B3GALT5: variants seen among roughly 807,000 people sequenced by gnomAD.
B3GALT5 encodes the protein UDP-Gal:betaGlcNAc beta 1,3-galactosyltransferase, polypeptide 5.
For missense variants in B3GALT5, 328 were observed against 396.6 expected (o/e 0.83, Z 1.47); for synonymous variants, 156 against 158.6 (o/e 0.98, Z 0.12).
chr21:39,642,100 C>T (rs1259070278), intron 1 of B3GALT5, among the ~76,000 whole-genome samples: 1 of 152,334 alleles, frequency 6.6e-6, no homozygotes, highest in Non-Finnish European at 1.5e-5. Context: ...AAAATCTTCC[C>T]TATAACAGGC....
intron 1 of B3GALT5, among the ~76,000 whole-genome samples, chr21:39,640,880 T>C (rs1407807273): frequency 6.6e-6 from 1 of 152,020 alleles, no homozygotes; most frequent in Non-Finnish European, 1.5e-5. Context: ...GCTGGAACAA[T>C]GGGCACATGC....
chr21:39,640,158 C>G (rs2079278605), intron 1 of B3GALT5, among the ~76,000 whole-genome samples: 2 of 152,090 alleles, frequency 1.3e-5, no homozygotes, highest in South Asian at 2.1e-4. Context: ...CGCCTGAGCT[C>G]TCACTCTTAG....
Position 39,613,659 on chromosome 21 carries a change from CGTGT to C in B3GALT5, c.-392+604_-392+607del, listed in dbSNP as rs60776259. 8.3e-3 allele frequency among the ~76,000 whole-genome samples: 1,259 copies of C among 151,066 alleles called. 16 individuals are homozygous for C. Among genetic ancestry groups the C allele is most frequent in the African/African-American group, 0.029 (1,201 of 41,354 alleles). ...ATTATTTTAAAAACAATATCTGTACCGTGTGTGTGTGTGTGAGTGCGTGTGTGTG... is the reference window on the plus strand; with the variant it reads ...ATTATTTTAAAAACAATATCTGTACCGTGTGTGTGTGAGTGCGTGTGTGTG... On this transcript the variant is annotated intron_variant, in intron 1 of 3. Transcript: ENST00000684187.
chr21:39,621,248 G>C (rs982159647), intron 1 of B3GALT5, among the ~76,000 whole-genome samples: 2 of 152,112 alleles, frequency 1.3e-5, no homozygotes, highest in Admixed American at 6.5e-5. Context: ...TTATGAATTG[G>C]TGCTGAATTT....
intron 2 of B3GALT5, among the ~76,000 whole-genome samples, chr21:39,651,637 GGGA>G (rs1386972931): frequency 1.3e-5 from 2 of 152,268 alleles, no homozygotes; most frequent in East Asian, 3.9e-4. Context: ...GGAGTTTTTT[GGGA>G]GGAGGCCCTC....
rs1300731785 is a variant in B3GALT5 at position 39,669,491 on chromosome 21, G to A, written c.*7999G>A. The A allele has an allele frequency of 1.3e-5, 2 of 152,146 alleles. No homozygotes were observed. Among genetic ancestry groups the A allele is most frequent in the Non-Finnish European group, 2.9e-5 (2 of 68,042 alleles). The allele number at this position is 152,146 out of a possible 1,614,324, so 9.4% of individuals were successfully genotyped here. Reference sequence around the variant, plus strand: ...GTCAAGCTGAGGTTCGAGGCCGTGGGTTTTGCATACAGAGCTTTCACTGGG... The same window carrying A: ...GTCAAGCTGAGGTTCGAGGCCGTGGATTTTGCATACAGAGCTTTCACTGGG... On this transcript the variant is annotated 3_prime_UTR_variant, in exon 4 of 4. Coordinates refer to ENST00000684187, the MANE Select transcript of B3GALT5 (RefSeq NM_001356336.2).
At chr21:39,642,205 G>T (rs1410499999) in intron 1 of B3GALT5, among the ~76,000 whole-genome samples, 1 of 152,188 alleles carries the variant, frequency 6.6e-6, no homozygotes, top group Non-Finnish European at 1.5e-5. Context: ...TGGATTCATG[G>T]GCTCTGAGCT....
intron 2 of B3GALT5, among the ~76,000 whole-genome samples, chr21:39,647,607 C>T (rs998348852): frequency 2.6e-5 from 4 of 152,104 alleles, no homozygotes; most frequent in African/African-American, 9.7e-5. Context: ...CTTCAGCCTC[C>T]CAAGTGCTGG....
intron 3 of B3GALT5, 128 bp downstream of exon 3, chr21:39,660,040 A>G (rs2079494996): frequency 1.9e-6 from 1 of 527,214 alleles, no homozygotes; most frequent in African/African-American, 2.1e-5. Flanking sequence ...AACTTAAAAA[A>G]AAATAATTCT....
chr21:39,627,217 C>A (rs1453040003), intron 1 of B3GALT5, among the ~76,000 whole-genome samples: 6 of 152,186 alleles, frequency 3.9e-5, no homozygotes, highest in Non-Finnish European at 7.3e-5. Flanking sequence ...GGTGACTATC[C>A]TTTGTTCTTG....
At chr21:39,616,832 A>T (rs1316631857) in intron 1 of B3GALT5, among the ~76,000 whole-genome samples, 1 of 152,204 alleles carries the variant, frequency 6.6e-6, no homozygotes, top group East Asian at 1.9e-4. Flanking sequence ...ATTAAAATTT[A>T]TAGTTTTATT....
intron 2 of B3GALT5, chr21:39,657,842 T>C: frequency 1.6e-6 from 2 of 1,231,676 alleles, no homozygotes; most frequent in Non-Finnish European, 2.0e-6. Flanking sequence ...GCCATTCCGT[T>C]ATTGACTGGC....
At chr21:39,660,252 G>A (rs1569222019) in intron 3 of B3GALT5, among the ~76,000 whole-genome samples, 2 of 152,204 alleles carry the variant, frequency 1.3e-5, no homozygotes, top group Non-Finnish European at 2.9e-5. Flanking sequence ...CTGGAGGACC[G>A]AGTGAGGGAC....
At position 39,626,150 on chromosome 21, in the gene B3GALT5, A is replaced by T. The variant is rs556850314; in HGVS notation, c.-392+13083A>T. 2.6e-3 allele frequency among the ~76,000 whole-genome samples: 389 copies of T among 152,194 alleles called. 1 individual carries two copies. The highest frequency in any genetic ancestry group is 4.3e-3 in the Non-Finnish European group (294 of 68,008). On this transcript the variant is annotated intron_variant, in intron 1 of 3. Coordinates refer to ENST00000684187, the MANE Select transcript of B3GALT5 (RefSeq NM_001356336.2). ...CTGTTTCTATGGATTTTGCTACTCT[A>T]GGTAGCCCATGTAAGTGAAACCATA...
chr21:39,638,724 C>T (rs528235234), intron 1 of B3GALT5, among the ~76,000 whole-genome samples: 4 of 152,266 alleles, frequency 2.6e-5, no homozygotes, highest in East Asian at 1.9e-4. Context: ...CCACTGGGGC[C>T]GCAGCAGTAA....
intron 1 of B3GALT5, among the ~76,000 whole-genome samples, chr21:39,629,067 A>G (rs2079178807): frequency 6.6e-6 from 1 of 151,692 alleles, no homozygotes; most frequent in Non-Finnish European, 1.5e-5. Context: ...GTTGGAGTGC[A>G]GTGGTGCCTG....
chr21:39,643,428 A>G (rs1167696234), intron 1 of B3GALT5, among the ~76,000 whole-genome samples: 3 of 151,944 alleles, frequency 2.0e-5, no homozygotes, highest in East Asian at 3.9e-4. Context: ...AAAAAAAAAA[A>G]AAAAAGAAAA....
chr21:39,653,581 T>G (rs1200322937), intron 2 of B3GALT5, among the ~76,000 whole-genome samples: 1 of 152,232 alleles, frequency 6.6e-6, no homozygotes, highest in Non-Finnish European at 1.5e-5. Context: ...GTACACCCGC[T>G]AGGTGTTTTG....
intron 1 of B3GALT5, among the ~76,000 whole-genome samples, chr21:39,632,045 A>T (rs2146191686): frequency 6.6e-6 from 1 of 152,314 alleles, no homozygotes; most frequent in Middle Eastern, 3.4e-3. Flanking sequence ...GCCACTGTGA[A>T]GTTTCAAGTG....
Sources: allele counts gnomAD v4.1 joint callset (sites outside exome capture counted in the v4.1 genomes callset), GRCh38; gene constraint gnomAD v4.1.1; transcripts MANE v1.5; gene names NCBI Gene and HGNC (gene_info 2026-07-23, HGNC 2026-07-21).